The following DDIAS variants were observed in gnomAD, a reference collection of about 807,000 sequenced individuals.
The protein encoded by DDIAS is DNA damage induced apoptosis suppressor, also known as DNA damage-induced apoptosis suppressor protein.
A neutral mutation model predicts 15.7 loss-of-function variants in DDIAS; 14 were observed. That is an observed-to-expected ratio of 0.89 (90% confidence interval 0.59 to 1.39). The LOEUF is 1.39. DDIAS is among the 40% of genes most tolerant of loss of function. The pLI, the probability that DDIAS is intolerant of heterozygous loss-of-function variation, is 0.00. For missense variants in DDIAS, 1,035 were observed against 1,130.9 expected (o/e 0.92, Z 1.22); for synonymous variants, 355 against 395.9 (o/e 0.90, Z 1.23).
At chr11:82,916,050 G>T (rs79134565) in intron 3 of DDIAS, among the ~76,000 whole-genome samples, 3,403 of 152,238 alleles carry the variant, frequency 0.022, 72 homozygotes, top group East Asian at 0.091. Context: ...ATTAAATGAG[G>T]ACTTACTGTA....
intron 3 of DDIAS, among the ~76,000 whole-genome samples, chr11:82,926,247 G>A (rs922944416): frequency 8.6e-5 from 13 of 151,802 alleles, no homozygotes; most frequent in African/African-American, 2.7e-4. Flanking sequence ...ATGCCACCAC[G>A]TTCGTTAATT....
chr11:82,913,860 C>A, intron 2 of DDIAS: 4 of 395,434 alleles, frequency 1.0e-5, no homozygotes, highest in South Asian at 7.5e-5. Context: ...AGGAATGGGA[C>A]CCAAGTCTAA....
intron 1 of DDIAS, among the ~76,000 whole-genome samples, chr11:82,903,351 T>C (rs1472462073): frequency 1.3e-5 from 2 of 152,274 alleles, no homozygotes; most frequent in Admixed American, 6.5e-5. Context: ...TGATGTGGGA[T>C]ATGAAGGAAA....
In DDIAS at chr11:82,934,186, GAC is replaced by G; in HGVS notation, c.2850_2851del (p.Ile951SerfsTer15). 6.2e-7 allele frequency: 1 copy of G among 1,614,048 alleles called. No homozygotes were observed. Among genetic ancestry groups the G allele is most frequent in the Non-Finnish European group, 8.5e-7 (1 of 1,180,016 alleles). ...TTCAGGCTGGATTTCCAAATGTCCAGACATTCAAGTCTTAGCAGCACCTCAGC... is the reference window on the plus strand; with the variant it reads ...TTCAGGCTGGATTTCCAAATGTCCAGATTCAAGTCTTAGCAGCACCTCAGC... ...KSSGWISKCP[D>X]IQVLAAPQLH... On this transcript the variant is annotated frameshift_variant, in exon 6 of 6. Transcript: ENST00000533655. LOFTEE classifies it low-confidence loss of function (END_TRUNC).
At chr11:82,922,523 T>G (rs1434853754) in intron 3 of DDIAS, 1 of 152,236 alleles carries the variant, frequency 6.6e-6, no homozygotes, top group Non-Finnish European at 1.5e-5. Flanking sequence ...TCCAGAGCAT[T>G]TTGCATTTTT....
Position 82,930,176 on chromosome 11 carries a change from A to C in DDIAS, c.295A>C (p.Lys99Gln), listed in dbSNP as rs760486307. ...GLHRYIQDPN[K>Q]IPETLDNDTT... ...ATCAAGGTACATTCAGGATCCTAATAAAATTCCAGAAACACTGGACAATGA... is the reference window on the plus strand; with the variant it reads ...ATCAAGGTACATTCAGGATCCTAATCAAATTCCAGAAACACTGGACAATGA... The change falls in exon 5 of 6, where the codon AAA becomes CAA. Residue 99 changes from lysine to glutamine, a missense_variant. Transcript: ENST00000533655. The C allele has an allele frequency of 1.9e-6, 3 of 1,586,776 alleles. No individual in the cohort carries two copies. The highest frequency in any genetic ancestry group is 2.3e-5 in the South Asian group (2 of 88,026).
Position 82,931,718 on chromosome 11 carries a change from T to C in DDIAS, c.394-14T>C. On this transcript the variant is annotated splice_polypyrimidine_tract_variant and intron_variant, in intron 5 of 5. Transcript: ENST00000533655. ...AATTTTATTCTTACTTAAATTTCTTTGCTTCTTTCACAGAATTTTGAAAAC... is the reference window on the plus strand; with the variant it reads ...AATTTTATTCTTACTTAAATTTCTTCGCTTCTTTCACAGAATTTTGAAAAC... 1 of 1,561,524 alleles carries C rather than the reference T, an allele frequency of 6.4e-7. No homozygotes were observed. The highest frequency in any genetic ancestry group is 8.6e-7 in the Non-Finnish European group (1 of 1,158,390).
At chr11:82,914,928 A>T (rs1303905822) in intron 3 of DDIAS, 77 bp downstream of exon 3, 3 of 913,234 alleles carry the variant, frequency 3.3e-6, no homozygotes, top group Non-Finnish European at 3.2e-6. Context: ...AAGGGCAAGG[A>T]CCAGATTTAC....
At chr11:82,929,966 A>T (rs1046849134) in intron 4 of DDIAS, among the ~76,000 whole-genome samples, 191 bp from the exon 5 acceptor site, 1 of 152,124 alleles carries the variant, frequency 6.6e-6, no homozygotes, top group Non-Finnish European at 1.5e-5. Flanking sequence ...CTCCCACTTG[A>T]TCAATTGGTT....
At position 82,932,011 on chromosome 11, in the gene DDIAS, G is replaced by A. The variant is rs1490609048; in HGVS notation, c.673G>A (p.Asp225Asn). Residue 225 changes from aspartate to asparagine, a missense_variant, in exon 6 of 6, where the codon GAT (aspartate) becomes AAT (asparagine). Asp to Asn is a conservative substitution (Grantham distance 23, BLOSUM62 1). Transcript: ENST00000533655. ...SSIYTSDSTS[D>N]FFKSCSKDTF... ...CATATATACTTCTGACAGCACTTCT[G>A]ATTTTTTCAAGTCCTGCAGCAAGGA... 2 of 1,614,020 alleles carry A rather than the reference G, an allele frequency of 1.2e-6. No individual in the cohort carries two copies. The highest frequency in any genetic ancestry group is 3.3e-5 in the Admixed American group (2 of 59,994).
intron 3 of DDIAS, 22 bp downstream of exon 3, chr11:82,914,873 G>A: frequency 6.8e-7 from 1 of 1,468,680 alleles, no homozygotes; most frequent in Non-Finnish European, 9.4e-7. Context: ...GTCTGTAAGT[G>A]TGAGAGAGGA....
At chr11:82,914,287 T>C (rs1239979930) in intron 2 of DDIAS, 4 of 198,506 alleles carry the variant, frequency 2.0e-5, no homozygotes, top group African/African-American at 4.8e-5. Flanking sequence ...TAAGTACTTA[T>C]GTGTGGAATT....
chr11:82,904,325 C>T (rs946409708), intron 1 of DDIAS, among the ~76,000 whole-genome samples: 6 of 152,106 alleles, frequency 3.9e-5, no homozygotes, highest in Non-Finnish European at 8.8e-5. Context: ...ATCTTCTAGT[C>T]TAGCCGGAAG....
chr11:82,928,174 CCT>C (rs1860903840), intron 3 of DDIAS, among the ~76,000 whole-genome samples: 1 of 81,426 alleles, frequency 1.2e-5, no homozygotes, highest in African/African-American at 4.4e-5. Context: ...TATTTTTTGT[CCT>C]CTTTTTTTTT....
intron 3 of DDIAS, among the ~76,000 whole-genome samples, chr11:82,921,571 C>CTTTTTTTTTTTTTT (rs968751055): frequency 2.6e-5 from 2 of 78,122 alleles, no homozygotes; most frequent in East Asian, 3.8e-4. Context: ...TTCTTTCTTT[C>CTTTTTTTTTTTTTT]TTTTTTTTTT....
At chr11:82,914,984 T>C in intron 3 of DDIAS, 133 bp downstream of exon 3, 1 of 577,442 alleles carries the variant, frequency 1.7e-6, no homozygotes, top group South Asian at 2.6e-5. Flanking sequence ...CTTCTGTAAA[T>C]CCCAGAACAG....
intron 1 of DDIAS, among the ~76,000 whole-genome samples, chr11:82,908,156 A>G (rs961106048): frequency 6.6e-6 from 1 of 152,248 alleles, no homozygotes; most frequent in African/African-American, 2.4e-5. Flanking sequence ...GACTATTCCA[A>G]GACCTAAGGG....
intron 1 of DDIAS, among the ~76,000 whole-genome samples, chr11:82,907,211 G>A (rs1860448199): frequency 6.6e-6 from 1 of 152,180 alleles, no homozygotes. Context: ...ATATTGTGGG[G>A]GTGGGGAAGC....
chr11:82,907,832 C>T (rs1203586619), intron 1 of DDIAS, among the ~76,000 whole-genome samples: 10 of 152,238 alleles, frequency 6.6e-5, no homozygotes, highest in Admixed American at 5.2e-4. Flanking sequence ...TGATCCACCA[C>T]ACCTGGCCCC....
Sources: gnomAD v4.1 joint callset for allele counts (sites outside exome capture counted in the v4.1 genomes callset) on GRCh38, gnomAD v4.1.1 for gene constraint, MANE v1.5 for transcripts, NCBI Gene and HGNC (gene_info 2026-07-23, HGNC 2026-07-21) for gene names.